The following SMCR8 variants were observed in gnomAD, a reference collection of about 807,000 sequenced individuals.
The protein encoded by SMCR8 is guanine nucleotide exchange protein SMCR8.
A neutral mutation model predicts 56.6 loss-of-function variants in SMCR8; 30 were observed. The observed-to-expected ratio is 0.53, with a 90% CI of 0.40 to 0.72. SMCR8 has a LOEUF of 0.72. Among genes scored for constraint, SMCR8 ranks in the 30% least tolerant of loss-of-function variants. The pLI is 0.00. For missense variants in SMCR8, 1,198 were observed against 1,157.0 expected (o/e 1.04, Z -0.51); for synonymous variants, 538 against 456.0 (o/e 1.18, Z -2.29).
rs2142994495 is a variant in SMCR8 at position 18,323,465 on chromosome 17, G to A, written c.*395G>A. The A allele has an allele frequency of 4.9e-6, 1 of 203,174 alleles. No homozygotes were observed. Among genetic ancestry groups the A allele is most frequent in the Non-Finnish European group, 1.0e-5 (1 of 98,350 alleles). The allele number at this position is 203,174 out of a possible 1,614,324, so 12.6% of individuals were successfully genotyped here. The stretch of plus-strand genomic sequence containing the variant: ...ATTCAGCATTGCCGGACACTTGAGT[G>A]GCAAAATGAACGAGGGTGACAGCCA... On this transcript the variant is annotated 3_prime_UTR_variant, in exon 2 of 2. Coordinates refer to ENST00000406438, the MANE Select transcript of SMCR8 (RefSeq NM_144775.3).
chr17:18,324,389 TGGCCA>T lies in SMCR8; in HGVS notation c.*1320_*1324del. Reference sequence around the variant, plus strand: ...GGCCTCCCCGAGCCTCCTTAGGCAATGGCCACTGGTTTGTAGACAGAGAGTTTCTT... The same window carrying T: ...GGCCTCCCCGAGCCTCCTTAGGCAATCTGGTTTGTAGACAGAGAGTTTCTT... On this transcript the variant is annotated 3_prime_UTR_variant, in exon 2 of 2. Transcript: ENST00000406438. 1 of 152,432 alleles carries T rather than the reference TGGCCA, an allele frequency of 6.6e-6. No homozygotes were observed. The highest frequency in any genetic ancestry group is 2.1e-4 in the South Asian group (1 of 4,832). 9.4% of individuals were successfully genotyped at this position (152,432 alleles called of 1,614,324 possible).
intron 1 of SMCR8, among the ~76,000 whole-genome samples, chr17:18,321,904 C>G (rs1297815577): frequency 6.6e-6 from 1 of 152,164 alleles, no homozygotes; most frequent in African/African-American, 2.4e-5. Flanking sequence ...TGAATTTGGC[C>G]AAGGTCACAG....
chr17:18,315,908 A>G lies in SMCR8; in HGVS notation c.119A>G (p.Gln40Arg). The G allele has an allele frequency of 6.2e-7, 1 of 1,614,182 alleles. No homozygotes were observed. The highest frequency in any genetic ancestry group is 2.2e-5 in the East Asian group (1 of 44,896). The change falls in exon 1 of 2, where the codon CAG becomes CGG. Residue 40 changes from glutamine (Q) to arginine (R), a missense_variant. Gln to Arg is a conservative substitution (Grantham distance 43). Transcript: ENST00000406438. ...YSVPLFPFASQGANPWSKLSG... is the reference protein window; with the variant it reads ...YSVPLFPFASRGANPWSKLSG... The stretch of plus-strand genomic sequence containing the variant: ...GTGCCGCTCTTCCCCTTCGCCAGTC[A>G]GGGTGCTAACCCCTGGTCAAAACTG...
Position 18,315,882 on chromosome 17 carries a change from G to A in SMCR8, c.93G>A (p.Ser31=). ...YNEPALPEEY[S]VPLFPFASQG... ...AGCCGGCCCTGCCTGAGGAGTACTC[G>A]GTGCCGCTCTTCCCCTTCGCCAGTC... Residue 31 remains serine (S), a synonymous_variant, in exon 1 of 2, where the codon TCG becomes TCA. Coordinates refer to ENST00000406438, the MANE Select transcript of SMCR8 (RefSeq NM_144775.3). The A allele has an allele frequency of 2.5e-6, 4 of 1,614,078 alleles. No individual in the cohort carries two copies. The highest frequency in any genetic ancestry group is 3.4e-6 in the Non-Finnish European group (4 of 1,179,996).
chr17:18,316,491 T>C lies in SMCR8; in HGVS notation c.702T>C (p.Asn234=). 2.5e-6 allele frequency: 4 copies of C among 1,614,116 alleles called. No homozygotes were observed. The highest frequency in any genetic ancestry group is 3.4e-6 in the Non-Finnish European group (4 of 1,180,028). ...CATCTCAGGCAATTGAGAAAGCCAA[T>C]GAACTGGCCAGTGTGGAGAAGTCCA... is the stretch of plus-strand genomic sequence containing the variant. ...FYSSQAIEKA[N]ELASVEKSII... The change falls in exon 1 of 2, where the codon AAT becomes AAC. Residue 234 remains asparagine, a synonymous_variant. Coordinates refer to ENST00000406438, the MANE Select transcript of SMCR8 (RefSeq NM_144775.3).
At position 18,315,874 on chromosome 17, in the gene SMCR8, G is replaced by A; in HGVS notation, c.85G>A (p.Glu29Lys). 3 of 1,614,112 alleles carry A rather than the reference G, an allele frequency of 1.9e-6. No homozygotes were observed. Among genetic ancestry groups the A allele is most frequent in the Non-Finnish European group, 1.7e-6 (2 of 1,180,006 alleles). Residue 29 changes from glutamate to lysine, a missense_variant, in exon 1 of 2, where the codon GAG becomes AAG. Physicochemically the swap from Glu to Lys is moderately conservative, Grantham distance 56. Transcript: ENST00000406438. The stretch of plus-strand genomic sequence containing the variant: ...TTACAATGAGCCGGCCCTGCCTGAG[G>A]AGTACTCGGTGCCGCTCTTCCCCTT... ...EPYNEPALPE[E>K]YSVPLFPFAS...
In SMCR8 at chr17:18,323,218, A is replaced by T. The variant is rs1328722169; in HGVS notation, c.*148A>T. 1.4e-6 allele frequency: 1 copy of T among 693,698 alleles called. No individual in the cohort carries two copies. Among genetic ancestry groups the T allele is most frequent in the African/African-American group, 1.8e-5 (1 of 55,614 alleles). The allele number at this position is 693,698 out of a possible 1,614,324, so 43.0% of individuals were successfully genotyped here. On this transcript the variant is annotated 3_prime_UTR_variant, in exon 2 of 2. Transcript: ENST00000406438. ...CCCACGTGGCTCCTAGTAGTTTTTA[A>T]GTTGGACATGGGCAGAAGTGGAGCC...
rs1344083270 is a variant in SMCR8, at chr17:18,322,607, T to C, written c.2361-10T>C. On this transcript the variant is annotated splice_polypyrimidine_tract_variant and intron_variant, in intron 1 of 1. Transcript: ENST00000406438. ...TGCCCTTCCTCCTGACCTTGGCCTGTCTGTTTCAGAGTGGCCTCCCCTGCC... is the reference window on the plus strand; with the variant it reads ...TGCCCTTCCTCCTGACCTTGGCCTGCCTGTTTCAGAGTGGCCTCCCCTGCC... 6.2e-7 allele frequency: 1 copy of C among 1,610,646 alleles called. No homozygotes were observed. The highest frequency in any genetic ancestry group is 8.5e-7 in the Non-Finnish European group (1 of 1,177,866).
intron 1 of SMCR8, among the ~76,000 whole-genome samples, chr17:18,321,258 T>G (rs1982488390): frequency 6.6e-6 from 1 of 152,186 alleles, no homozygotes; most frequent in Non-Finnish European, 1.5e-5. Context: ...GGAAGCTGCT[T>G]CAGGAGGGTG....
chr17:18,317,602 C>CAA lies in SMCR8; in HGVS notation c.1814_1815insAA (p.His605GlnfsTer9). On this transcript the variant is annotated frameshift_variant, in exon 1 of 2. Coordinates refer to ENST00000406438, the MANE Select transcript of SMCR8 (RefSeq NM_144775.3). LOFTEE classifies it high-confidence loss of function. ...GCTGCCCTCCACTCCAGCCCACACA[C>CAA]ACTCTGACGAGGATGGGGTGGTGAG... 1 of 1,614,168 alleles carries CAA rather than the reference C, an allele frequency of 6.2e-7. No individual in the cohort carries two copies. The highest frequency in any genetic ancestry group is 8.5e-7 in the Non-Finnish European group (1 of 1,180,024).
Position 18,316,580 on chromosome 17 carries a change from A to G in SMCR8, c.791A>G (p.His264Arg), listed in dbSNP as rs775613448. The change falls in exon 1 of 2, where the codon CAT becomes CGT. Residue 264 changes from histidine to arginine, a missense_variant. By Grantham distance (29) the His-to-Arg change is conservative (BLOSUM62 0). Transcript: ENST00000406438. ...TACCCTCATCGGAAGTTGAAGGGGCATGATTTGTGTCCTGGTGAGATGGAG... is the reference window on the plus strand; with the variant it reads ...TACCCTCATCGGAAGTTGAAGGGGCGTGATTTGTGTCCTGGTGAGATGGAG... ...RSYPHRKLKG[H>R]DLCPGEMEHI... 2 of 1,614,104 alleles carry G rather than the reference A, an allele frequency of 1.2e-6. No homozygotes were observed. Among genetic ancestry groups the G allele is most frequent in the Admixed American group, 1.7e-5 (1 of 60,000 alleles).
Position 18,322,633 on chromosome 17 carries a change from G to A in SMCR8, c.2377G>A (p.Gly793Ser), listed in dbSNP as rs201661682. 2.4e-5 allele frequency: 39 copies of A among 1,613,286 alleles called. No homozygotes were observed. The highest frequency in any genetic ancestry group is 6.7e-5 in the Admixed American group (4 of 60,000). Residue 793 changes from glycine to serine, a missense_variant, in exon 2 of 2, where the codon GGT becomes AGT. By Grantham distance (56) the Gly-to-Ser change is moderately conservative. Coordinates refer to ENST00000406438, the MANE Select transcript of SMCR8 (RefSeq NM_144775.3). The stretch of plus-strand genomic sequence containing the variant: ...CTGTTTCAGAGTGGCCTCCCCTGCC[G>A]GTGCCGGTACCCTCCATGCCCTGAG... ...IGLQRVASPA[G>S]AGTLHALSRY...
chr17:18,315,742 G>A lies in SMCR8; in HGVS notation c.-48G>A, dbSNP rs1000176296. The A allele has an allele frequency of 4.6e-6, 7 of 1,511,624 alleles. No individual in the cohort carries two copies. The East Asian group carries it at 1.4e-4, about 29-fold the overall frequency. 93.6% of individuals were successfully genotyped at this position (1,511,624 alleles called of 1,614,324 possible). A position where few individuals can be genotyped will look rare whatever the true frequency, so the allele number is the denominator to read the frequency against. On this transcript the variant is annotated 5_prime_UTR_variant, in exon 1 of 2. Coordinates refer to ENST00000406438, the MANE Select transcript of SMCR8 (RefSeq NM_144775.3). Reference sequence around the variant, plus strand: ...TGCCTTCTGCGCGTCGATTAACACCGCATTCTTTCCCACTTCCTCTCAATG... The same window carrying A: ...TGCCTTCTGCGCGTCGATTAACACCACATTCTTTCCCACTTCCTCTCAATG...
rs1011846312 is a variant in SMCR8 at position 18,325,072 on chromosome 17, A to C, written c.*2002A>C. The C allele has an allele frequency of 3.9e-5, 6 of 152,220 alleles. No individual in the cohort carries two copies. The highest frequency in any genetic ancestry group is 7.2e-5 in the African/African-American group (3 of 41,452). The allele number at this position is 152,220 out of a possible 1,614,324, so 9.4% of individuals were successfully genotyped here. ...CTCACTGGCTGGTTAATTGCTGTCTACTTAGGCCTCCAAGGCCATAACTGT... is the reference window on the plus strand; with the variant it reads ...CTCACTGGCTGGTTAATTGCTGTCTCCTTAGGCCTCCAAGGCCATAACTGT... On this transcript the variant is annotated 3_prime_UTR_variant, in exon 2 of 2. Transcript: ENST00000406438.
chr17:18,327,724 T>C lies in SMCR8; in HGVS notation c.*4654T>C, dbSNP rs1196861888. The C allele has an allele frequency of 6.6e-6, 1 of 152,562 alleles. No individual in the cohort carries two copies. The highest frequency in any genetic ancestry group is 1.5e-5 in the Non-Finnish European group (1 of 68,042). The allele number at this position is 152,562 out of a possible 1,614,324, so 9.5% of individuals were successfully genotyped here. A position where few individuals can be genotyped will look rare whatever the true frequency, so the allele number is the denominator to read the frequency against. On this transcript the variant is annotated 3_prime_UTR_variant, in exon 2 of 2. Transcript: ENST00000406438. Reference sequence around the variant, plus strand: ...ATTACTGCATGTTCCCGTCCCGTCTTGTGAATGTGAGTCCCCGCCACCACG... The same window carrying C: ...ATTACTGCATGTTCCCGTCCCGTCTCGTGAATGTGAGTCCCCGCCACCACG...
chr17:18,324,808 C>G lies in SMCR8; in HGVS notation c.*1738C>G, dbSNP rs1258564562. The G allele has an allele frequency of 6.6e-6, 1 of 152,298 alleles. No homozygotes were observed. The highest frequency in any genetic ancestry group is 2.4e-5 in the African/African-American group (1 of 41,466). The allele number at this position is 152,298 out of a possible 1,614,324, so 9.4% of individuals were successfully genotyped here. A position where few individuals can be genotyped will look rare whatever the true frequency, so the allele number is the denominator to read the frequency against. On this transcript the variant is annotated 3_prime_UTR_variant, in exon 2 of 2. Transcript: ENST00000406438. ...GTGTTTGATTTTGCTCCTGGGGCTG[C>G]GATGGAGAACCTTTTGTGGCAGATG... is the stretch of plus-strand genomic sequence containing the variant.
chr17:18,317,141 C>T lies in SMCR8; in HGVS notation c.1352C>T (p.Pro451Leu). 6.2e-7 allele frequency: 1 copy of T among 1,614,080 alleles called. No individual in the cohort carries two copies. Among genetic ancestry groups the T allele is most frequent in the Non-Finnish European group, 8.5e-7 (1 of 1,180,020 alleles). ...VEVTELSSFD[P>L]QENLDYLDMD... ...GTGACTGAGTTGAGCAGTTTCGACC[C>T]CCAGGAAAACTTGGACTACCTGGAT... Residue 451 changes from proline (P) to leucine (L), a missense_variant, in exon 1 of 2, where the codon CCC becomes CTC. By Grantham distance (98) the Pro-to-Leu change is moderately conservative (BLOSUM62 -3). Transcript: ENST00000406438.
rs1474463863 is a variant in SMCR8, at chr17:18,324,763, G to A, written c.*1693G>A. 6.6e-6 allele frequency: 1 copy of A among 152,304 alleles called. No homozygotes were observed. The highest frequency in any genetic ancestry group is 2.4e-5 in the African/African-American group (1 of 41,458). 9.4% of individuals were successfully genotyped at this position (152,304 alleles called of 1,614,324 possible). A position where few individuals can be genotyped will look rare whatever the true frequency, so the allele number is the denominator to read the frequency against. ...GCTCCAGCCGTTGGCTTCTGTTCAG[G>A]GTCCTTGCTCCCATCAGAGGTGTTT... is the stretch of plus-strand genomic sequence containing the variant. On this transcript the variant is annotated 3_prime_UTR_variant, in exon 2 of 2. Coordinates refer to ENST00000406438, the MANE Select transcript of SMCR8 (RefSeq NM_144775.3).
rs529385813 is a variant in SMCR8, at chr17:18,322,722, C to T, written c.2466C>T (p.Tyr822=). The T allele has an allele frequency of 2.5e-6, 4 of 1,614,256 alleles. No homozygotes were observed. The Admixed American group carries it at 6.7e-5, about 27-fold the overall frequency. The change falls in exon 2 of 2, where the codon TAC becomes TAT. Residue 822 remains tyrosine (Y), a synonymous_variant. Coordinates refer to ENST00000406438, the MANE Select transcript of SMCR8 (RefSeq NM_144775.3). ...ACAAAACCCTGCGCTGCCCCCTTTA[C>T]AGAGGCACCCTGGTGCCCCGCCTGG... ...LDNKTLRCPL[Y]RGTLVPRLAD...
Sources: allele counts gnomAD v4.1 joint callset (sites outside exome capture counted in the v4.1 genomes callset), GRCh38; gene constraint gnomAD v4.1.1; transcripts MANE v1.5; gene names NCBI Gene and HGNC (gene_info 2026-07-23, HGNC 2026-07-21).